Variants in PCDHGB1 observed in about 807,000 individuals in gnomAD.
PCDHGB1 encodes protocadherin gamma-B1.
PCDHGB1 carries 34 observed loss-of-function variants against 56.6 expected under a neutral mutation model. The ratio of observed to expected loss-of-function variants is 0.60; its 90% CI spans 0.46 to 0.80. The LOEUF (loss-of-function observed/expected upper bound fraction) is 0.80. PCDHGB1 is among the 30% of genes least tolerant of loss of function. The pLI, the probability that PCDHGB1 is intolerant of heterozygous loss-of-function variation, is 0.00. For missense variants in PCDHGB1, 1,278 were observed against 1,204.6 expected, an observed-to-expected ratio of 1.06 and a Z score of -0.90; for synonymous variants, 561 against 505.9, an observed-to-expected ratio of 1.11 and a Z score of -1.46.
At chr5:141,481,346 C>T (rs2099536003) in intron 1 of PCDHGB1, among the ~76,000 whole-genome samples, 1 of 152,248 alleles carries the variant, frequency 6.6e-6, no homozygotes, top group Non-Finnish European at 1.5e-5. Context: ...ATTATTTAAA[C>T]ATCTACAGCT....
At chr5:141,414,930 C>A (rs561548499) in intron 1 of PCDHGB1, 1 of 1,614,156 alleles carries the variant, frequency 6.2e-7, no homozygotes, top group South Asian at 1.1e-5. Flanking sequence ...CGCCCCGCTC[C>A]GCAGAGCCCG....
Position 141,486,369 on chromosome 5 carries a change from C to A in PCDHGB1, c.2410-8438C>A. On this transcript the variant is annotated intron_variant, in intron 1 of 3. Coordinates refer to ENST00000523390, the MANE Select transcript of PCDHGB1 (RefSeq NM_018922.3). This position sits in a 1 kb window ranked among gnomAD's most constrained non-coding sequence, Gnocchi z 5.0. ...GACCACTTGCCATTTGCCCTCAAGT[C>A]TGCCTTCAGGAACCAGTTCTCCCTG... 6.2e-7 allele frequency: 1 copy of A among 1,614,128 alleles called. No individual in the cohort carries two copies. Among genetic ancestry groups the A allele is most frequent in the African/African-American group, 1.3e-5 (1 of 75,048 alleles).
In PCDHGB1 at chr5:141,352,369, G is replaced by A. The variant is rs376653934; in HGVS notation, c.2109G>A (p.Val703=). Residue 703 remains valine (V), a synonymous_variant, in exon 1 of 4, where the codon GTG becomes GTA. Coordinates refer to ENST00000523390, the MANE Select transcript of PCDHGB1 (RefSeq NM_018922.3). ...TCTCAGTGCTCTTTCTCCTCGCGGT[G>A]ATTCTAGCGATCGCCCTGCGCCTGC... ...ALISVLFLLA[V]ILAIALRLRR... The A allele has an allele frequency of 5.0e-6, 8 of 1,614,054 alleles. No individual in the cohort carries two copies. The highest frequency in any genetic ancestry group is 5.1e-6 in the Non-Finnish European group (6 of 1,179,900).
chr5:141,352,405 C>T lies in PCDHGB1; in HGVS notation c.2145C>T (p.Ser715=). ...LAIALRLRRS[S]SLDTEGCFQT... The stretch of plus-strand genomic sequence containing the variant: ...TCGCCCTGCGCCTGCGACGTTCCTC[C>T]AGCCTCGACACTGAGGGCTGCTTTC... Residue 715 remains serine, a synonymous_variant, in exon 1 of 4, where the codon TCC becomes TCT. Coordinates refer to ENST00000523390, the MANE Select transcript of PCDHGB1 (RefSeq NM_018922.3). The T allele has an allele frequency of 6.2e-7, 1 of 1,614,060 alleles. No homozygotes were observed. The highest frequency in any genetic ancestry group is 8.5e-7 in the Non-Finnish European group (1 of 1,179,900).
intron 1 of PCDHGB1, among the ~76,000 whole-genome samples, chr5:141,468,791 G>A (rs941787269): frequency 2.6e-5 from 4 of 151,954 alleles, no homozygotes; most frequent in East Asian, 3.9e-4. Context: ...GCGTGAACCC[G>A]GGAGGCGGAA....
In PCDHGB1 at chr5:141,350,573, AC is replaced by A. The variant is rs1192655993; in HGVS notation, c.314del (p.Thr105ArgfsTer7). The A allele has an allele frequency of 1.2e-6, 2 of 1,614,016 alleles. No homozygotes were observed. The highest frequency in any genetic ancestry group is 1.7e-6 in the Non-Finnish European group (2 of 1,179,880). ...RKLECALEFETVAENPMNVFH... is the reference protein window; with the variant it reads ...RKLECALEFEXVAENPMNVFH... ...ACTTGAGTGTGCACTAGAATTCGAA[AC>A]GGTCGCTGAAAACCCAATGAATGTT... On this transcript the variant is annotated frameshift_variant, in exon 1 of 4. Transcript: ENST00000523390. LOFTEE classifies it high-confidence loss of function.
At chr5:141,413,056 T>A in intron 1 of PCDHGB1, 1 of 1,030,200 alleles carries the variant, frequency 9.7e-7, no homozygotes, top group East Asian at 2.6e-5. Flanking sequence ...GGAAGCTCAC[T>A]CCAGAATTTA....
chr5:141,392,568 T>A (rs2092555063), intron 1 of PCDHGB1: 4 of 442,486 alleles, frequency 9.0e-6, no homozygotes, highest in Non-Finnish European at 1.2e-5. Context: ...CAGTAACTAT[T>A]TAGGACTGTA....
At chr5:141,366,241 G>A in intron 1 of PCDHGB1, 2 of 1,613,748 alleles carry the variant, frequency 1.2e-6, no homozygotes, top group South Asian at 2.2e-5. Flanking sequence ...ACAGAGACGC[G>A]CTCAAGCAGA....
rs1160642304 is a variant in PCDHGB1 at position 141,415,415 on chromosome 5, T to C, written c.2409+62746T>C. 7 of 1,614,084 alleles carry C rather than the reference T, an allele frequency of 4.3e-6. No individual in the cohort carries two copies. In the Admixed American group the frequency reaches 8.3e-5, roughly 19 times the overall value. Reference sequence around the variant, plus strand: ...GTGTCCGGCTCGCACTTTGTGGGCGTGGACGGGGTTCGGGCTTTCCTGCAG... The same window carrying C: ...GTGTCCGGCTCGCACTTTGTGGGCGCGGACGGGGTTCGGGCTTTCCTGCAG... On this transcript the variant is annotated intron_variant, in intron 1 of 3. Coordinates refer to ENST00000523390, the MANE Select transcript of PCDHGB1 (RefSeq NM_018922.3).
At position 141,393,344 on chromosome 5, in the gene PCDHGB1, C is replaced by G. The variant is rs1428830318; in HGVS notation, c.2409+40675C>G. On this transcript the variant is annotated intron_variant, in intron 1 of 3. Transcript: ENST00000523390. ...GCTACCAGCTCAGCCCCAATCACCA[C>G]TTCTCCCTGGACGTGCAGACTGGAG... The G allele has an allele frequency of 9.9e-6, 16 of 1,613,888 alleles. No individual in the cohort carries two copies. The highest frequency in any genetic ancestry group is 1.2e-5 in the Non-Finnish European group (14 of 1,179,904).
chr5:141,365,365 C>T (rs761258930), intron 1 of PCDHGB1: 23 of 1,613,810 alleles, frequency 1.4e-5, no homozygotes, highest in Non-Finnish European at 1.9e-5. Context: ...ACAATGCCCC[C>T]GAAGTGATCC....
intron 1 of PCDHGB1, chr5:141,423,928 G>C: frequency 8.1e-7 from 1 of 1,236,850 alleles, no homozygotes; most frequent in Non-Finnish European, 1.0e-6. Flanking sequence ...ATGCTGGTTT[G>C]GTTTGAAGTA....
At chr5:141,390,405 T>C in intron 1 of PCDHGB1, 1 of 1,264,524 alleles carries the variant, frequency 7.9e-7, no homozygotes, top group Non-Finnish European at 1.1e-6. Flanking sequence ...TTTAGGAAAG[T>C]TGTAGTCAGT....
intron 1 of PCDHGB1, among the ~76,000 whole-genome samples, chr5:141,446,381 T>C (rs1225260527): frequency 1.3e-5 from 2 of 152,248 alleles, no homozygotes; most frequent in Non-Finnish European, 2.9e-5. Flanking sequence ...TAAAGAATGA[T>C]AGATTTAAGA....
intron 1 of PCDHGB1, chr5:141,384,465 T>A (rs1561602415): frequency 6.2e-7 from 1 of 1,614,118 alleles, no homozygotes; most frequent in Non-Finnish European, 8.5e-7. Flanking sequence ...CCTTTGATTA[T>A]GAGCAGTTGA....
intron 1 of PCDHGB1, chr5:141,404,765 T>A: frequency 6.2e-7 from 1 of 1,613,120 alleles, no homozygotes; most frequent in Non-Finnish European, 8.5e-7. Context: ...TGCTTGGCTC[T>A]CCTACCGCCT....
intron 1 of PCDHGB1, chr5:141,404,741 GACT>G: frequency 6.2e-7 from 1 of 1,614,072 alleles, no homozygotes; most frequent in Non-Finnish European, 8.5e-7. Flanking sequence ...AGTGGACAGA[GACT>G]CAGGCCAGAA....
Position 141,485,434 on chromosome 5 carries a change from G to T in PCDHGB1, c.2410-9373G>T. The stretch of plus-strand genomic sequence containing the variant: ...TGGACAGCGGAGCCCTGCTCATCAA[G>T]AACCCAATCGACCGAGAGGCACTGT... On this transcript the variant is annotated intron_variant, in intron 1 of 3. Transcript: ENST00000523390. This position sits in a 1 kb window ranked among gnomAD's most constrained non-coding sequence, Gnocchi z 5.7. The T allele has an allele frequency of 6.2e-7, 1 of 1,614,166 alleles. No homozygotes were observed. The highest frequency in any genetic ancestry group is 1.6e-4 in the Middle Eastern group (1 of 6,062).
Sources: allele counts gnomAD v4.1 joint callset (sites outside exome capture counted in the v4.1 genomes callset), GRCh38; gene constraint gnomAD v4.1.1; non-coding constraint Gnocchi (gnomAD v3.1); transcripts MANE v1.5; gene names NCBI Gene and HGNC (gene_info 2026-07-23, HGNC 2026-07-21).